The following MIPOL1 variants were observed in gnomAD, a reference collection of about 807,000 sequenced individuals.
MIPOL1 encodes the protein mirror-image polydactyly gene 1 protein.
Under a neutral mutation model 60.9 loss-of-function variants are expected in MIPOL1, and 57 were observed. That is an observed-to-expected ratio of 0.94 (90% confidence interval 0.76 to 1.17). The LOEUF (loss-of-function observed/expected upper bound fraction) is 1.17. Ranked by LOEUF, MIPOL1 falls within the 50% of genes most tolerant of loss-of-function variation. The pLI is 0.00. For missense variants in MIPOL1, 551 were observed against 511.6 expected, an observed-to-expected ratio of 1.08 and a Z score of -0.74; for synonymous variants, 179 against 168.8, an observed-to-expected ratio of 1.06 and a Z score of -0.47.
intron 10 of MIPOL1, among the ~76,000 whole-genome samples, chr14:37,377,658 T>C (rs1270472398): frequency 6.6e-6 from 1 of 152,022 alleles, no homozygotes; most frequent in Admixed American, 6.6e-5. Flanking sequence ...ATAATCTTCA[T>C]ATCCTCTCAA....
chr14:37,299,338 T>G (rs550255895), intron 7 of MIPOL1, among the ~76,000 whole-genome samples: 1,925 of 152,118 alleles, frequency 0.013, 39 homozygotes, highest in African/African-American at 0.045. Context: ...TACCTAATGC[T>G]AAATGACGAG....
At chr14:37,515,115 A>G (rs1195331295) in intron 12 of MIPOL1, among the ~76,000 whole-genome samples, 4 of 152,204 alleles carry the variant, frequency 2.6e-5, no homozygotes, top group Admixed American at 1.3e-4. Flanking sequence ...TGGAGAAATC[A>G]TAAACATTGT....
At chr14:37,416,972 C>T (rs1018693353) in intron 10 of MIPOL1, among the ~76,000 whole-genome samples, 2 of 152,160 alleles carry the variant, frequency 1.3e-5, no homozygotes, top group East Asian at 1.9e-4. Flanking sequence ...GTCCCAGGCA[C>T]TGTTACGTTT....
At position 37,542,586 on chromosome 14, in the gene MIPOL1, C is replaced by T. The variant is rs189565859; in HGVS notation, c.1263-4319C>T. On this transcript the variant is annotated intron_variant, in intron 12 of 12. Transcript: ENST00000684589. The stretch of plus-strand genomic sequence containing the variant: ...GCACAACCATGCCCTGTCTCCATTC[C>T]CACCTTTCTTGAGGTAACTCTTTCC... Among the ~76,000 whole-genome samples, 97 of 152,328 alleles carry T rather than the reference C, an allele frequency of 6.4e-4. 1 individual carries two copies. Among genetic ancestry groups the T allele is most frequent in the African/African-American group, 2.3e-3 (94 of 41,574 alleles).
At chr14:37,421,107 A>T (rs2153549209) in intron 10 of MIPOL1, among the ~76,000 whole-genome samples, 1 of 152,228 alleles carries the variant, frequency 6.6e-6, no homozygotes, top group Non-Finnish European at 1.5e-5. Flanking sequence ...TTTCAATAGT[A>T]CCTTAAGCAT....
intron 12 of MIPOL1, among the ~76,000 whole-genome samples, chr14:37,517,489 G>A (rs2095379291): frequency 6.6e-6 from 1 of 152,138 alleles, no homozygotes; most frequent in South Asian, 2.1e-4. Flanking sequence ...GGAGAATTTG[G>A]CAATGTCTAA....
chr14:37,325,410 G>A (rs1323457946), intron 9 of MIPOL1, among the ~76,000 whole-genome samples: 2 of 151,898 alleles, frequency 1.3e-5, no homozygotes, highest in East Asian at 1.9e-4. Flanking sequence ...ATTTCTTTAT[G>A]TAGGAATTTC....
chr14:37,428,884 G>A (rs1213355678), intron 11 of MIPOL1, among the ~76,000 whole-genome samples: 1 of 152,040 alleles, frequency 6.6e-6, no homozygotes, highest in Non-Finnish European at 1.5e-5. Context: ...AGTGAGATGG[G>A]AGGATAGAGA....
intron 9 of MIPOL1, among the ~76,000 whole-genome samples, chr14:37,338,947 G>A (rs780020934): frequency 6.6e-6 from 1 of 152,072 alleles, no homozygotes; most frequent in Non-Finnish European, 1.5e-5. Context: ...GAAGACACAA[G>A]TAGCTGTAAC....
intron 1 of MIPOL1, among the ~76,000 whole-genome samples, chr14:37,222,325 T>A (rs1039124232): frequency 6.6e-6 from 1 of 151,002 alleles, no homozygotes; most frequent in Admixed American, 6.6e-5. Context: ...TGGGCTCAAG[T>A]GATCCTCCCA....
rs78851608 is a variant in MIPOL1 at position 37,406,500 on chromosome 14, T to A, written c.937-16355T>A. 1.1e-3 allele frequency among the ~76,000 whole-genome samples: 169 copies of A among 152,238 alleles called. 1 individual carries two copies. In the East Asian group the frequency reaches 0.028, roughly 25 times the overall value. ...GTGTAAAGGAGGGAAATAGTGTCAT[T>A]TTGAGAAATGTTTGCTTCTTGAGTT... On this transcript the variant is annotated intron_variant, in intron 10 of 12. Coordinates refer to ENST00000684589, the MANE Select transcript of MIPOL1 (RefSeq NM_001388067.1).
chr14:37,211,690 A>G (rs1966847010), intron 1 of MIPOL1, among the ~76,000 whole-genome samples: 1 of 152,084 alleles, frequency 6.6e-6, no homozygotes, highest in Admixed American at 6.5e-5. Flanking sequence ...CTAGGCCCAG[A>G]AACAGTGGAC....
chr14:37,265,652 A>G (rs1291260041), intron 3 of MIPOL1, among the ~76,000 whole-genome samples: 2 of 152,180 alleles, frequency 1.3e-5, no homozygotes, highest in Non-Finnish European at 1.5e-5. Flanking sequence ...TAGTTGGTCA[A>G]AAAAACAAGA....
chr14:37,366,383 T>C (rs556565878), intron 9 of MIPOL1, among the ~76,000 whole-genome samples: 1 of 152,226 alleles, frequency 6.6e-6, no homozygotes, highest in South Asian at 2.1e-4. Context: ...TTTTTCAGTT[T>C]TCTTCTTAAT....
At chr14:37,496,883 A>G (rs1289191119) in intron 11 of MIPOL1, among the ~76,000 whole-genome samples, 2 of 151,800 alleles carry the variant, frequency 1.3e-5, no homozygotes, top group African/African-American at 2.4e-5. Context: ...GAGGCATCAC[A>G]CTACCTGACT....
intron 11 of MIPOL1, among the ~76,000 whole-genome samples, chr14:37,426,733 T>C (rs910270585): frequency 2.7e-5 from 4 of 150,790 alleles, no homozygotes; most frequent in Admixed American, 6.7e-5. Flanking sequence ...ATGTTACTAT[T>C]TAAGTGAAAT....
At chr14:37,436,173 C>A (rs998318292) in intron 11 of MIPOL1, among the ~76,000 whole-genome samples, 6 of 152,052 alleles carry the variant, frequency 3.9e-5, no homozygotes, top group African/African-American at 1.4e-4. Context: ...AAAAATACTA[C>A]CAACTTTAAA....
intron 11 of MIPOL1, among the ~76,000 whole-genome samples, chr14:37,442,293 G>T (rs2094261893): frequency 6.6e-6 from 1 of 151,862 alleles, no homozygotes; most frequent in African/African-American, 2.4e-5. Flanking sequence ...GGGTATTTTA[G>T]GTATAAAATC....
At chr14:37,389,506 T>C (rs2093173496) in intron 10 of MIPOL1, among the ~76,000 whole-genome samples, 1 of 152,034 alleles carries the variant, frequency 6.6e-6, no homozygotes, top group Non-Finnish European at 1.5e-5. Context: ...CTTTCTTTAC[T>C]CTTTTTCCTG....
Sources: gnomAD v4.1 joint callset for allele counts (sites outside exome capture counted in the v4.1 genomes callset) on GRCh38, gnomAD v4.1.1 for gene constraint, MANE v1.5 for transcripts, NCBI Gene and HGNC (gene_info 2026-07-23, HGNC 2026-07-21) for gene names.